The following CSDE1 variants were observed in gnomAD, a reference collection of about 807,000 sequenced individuals.
CSDE1 encodes the protein cold shock domain-containing protein E1.
In CSDE1, 17 loss-of-function variants were observed where a neutral mutation model predicts 89.3. That is an observed-to-expected ratio of 0.19 (90% CI 0.13 to 0.29). The LOEUF is 0.29. Ranked by LOEUF, CSDE1 falls within the 10% of genes least tolerant of loss-of-function variation. The pLI is 1.00. For synonymous variants in CSDE1, 322 were observed against 332.8 expected (o/e 0.97, Z 0.35); for missense variants, 672 against 984.2 (o/e 0.68, Z 4.24).
At position 114,718,136 on chromosome 1, in the gene CSDE1, A is replaced by T. The variant is rs753260110; in HGVS notation, c.*33T>A. 31 of 1,612,544 alleles carry T rather than the reference A, an allele frequency of 1.9e-5. No homozygotes were observed. Among genetic ancestry groups the T allele is most frequent in the Admixed American group, 5.0e-5 (3 of 59,974 alleles). On this transcript the variant is annotated 3_prime_UTR_variant, in exon 20 of 20. Coordinates refer to ENST00000358528, the MANE Select transcript of CSDE1 (RefSeq NM_001007553.3). ...TCACCAGATTCCCCCCAACTTGATC[A>T]TAGTGGATTAATGGTGTGCTTTGTG...
At chr1:114,733,546 A>C (rs1356137890) in intron 9 of CSDE1, among the ~76,000 whole-genome samples, 186 bp downstream of exon 9, 4 of 147,116 alleles carry the variant, frequency 2.7e-5, no homozygotes, top group Non-Finnish European at 4.6e-5. Flanking sequence ...AAAAAAAAAA[A>C]AAACACCATA....
chr1:114,734,400 A>T, intron 7 of CSDE1, 42 bp downstream of exon 7: 1 of 1,545,066 alleles, frequency 6.5e-7, no homozygotes, highest in Non-Finnish European at 8.9e-7. Context: ...CAACATTTCA[A>T]GTGGCCAAAG....
At chr1:114,734,797 C>A (rs572948417) in intron 6 of CSDE1, among the ~76,000 whole-genome samples, 18 of 152,284 alleles carry the variant, frequency 1.2e-4, no homozygotes, top group African/African-American at 4.3e-4. Context: ...TACAAACTTA[C>A]ACATGGGTGC....
rs374890061 is a variant in CSDE1, at chr1:114,727,102, C to T, written c.1357-12G>A. ...CCATCCTCAGCCTCCTAAAGAGATA[C>T]AGTCAAAAACAGAATGAAAACAATC... On this transcript the variant is annotated splice_polypyrimidine_tract_variant and intron_variant, in intron 12 of 19. Transcript: ENST00000358528. 5.6e-5 allele frequency: 87 copies of T among 1,547,354 alleles called. No individual in the cohort carries two copies. Among genetic ancestry groups the T allele is most frequent in the Non-Finnish European group, 7.5e-5 (84 of 1,121,862 alleles).
chr1:114,726,688 G>C (rs1232867674), intron 13 of CSDE1, among the ~76,000 whole-genome samples: 1 of 152,130 alleles, frequency 6.6e-6, no homozygotes, highest in African/African-American at 2.4e-5. Context: ...TCTTTGGTGT[G>C]CTTTTACTTT....
At position 114,737,882 on chromosome 1, in the gene CSDE1, T is replaced by C. The variant is rs1343600576; in HGVS notation, c.309+81A>G. Reference sequence around the variant, plus strand: ...CTCTCTTTCGTGCAAACTGAGGAGATGGGGAGAATCTTCCTTTTCTAATGT... The same window carrying C: ...CTCTCTTTCGTGCAAACTGAGGAGACGGGGAGAATCTTCCTTTTCTAATGT... On this transcript the variant is annotated intron_variant, in intron 4 of 19. Coordinates refer to ENST00000358528, the MANE Select transcript of CSDE1 (RefSeq NM_001007553.3). 6.3e-6 allele frequency: 6 copies of C among 951,206 alleles called. No individual in the cohort carries two copies. In the East Asian group the frequency reaches 9.6e-5, roughly 15 times the overall value. 58.9% of individuals were successfully genotyped at this position (951,206 alleles called of 1,614,324 possible).
chr1:114,739,912 T>A, intron 2 of CSDE1, 22 bp from the exon 3 acceptor site: 1 of 1,569,626 alleles, frequency 6.4e-7, no homozygotes, highest in Non-Finnish European at 8.8e-7. Context: ...AGAAAAAGAA[T>A]ATATACATAT....
At chr1:114,734,733 AAT>A (rs139403594) in intron 6 of CSDE1, among the ~76,000 whole-genome samples, 1 of 152,114 alleles carries the variant, frequency 6.6e-6, no homozygotes, top group Admixed American at 6.6e-5. Context: ...ACGTTTGGCA[AAT>A]ATATATATAG....
At chr1:114,722,101 C>T (rs1294534366) in intron 16 of CSDE1, among the ~76,000 whole-genome samples, 6 of 152,188 alleles carry the variant, frequency 3.9e-5, no homozygotes, top group African/African-American at 1.2e-4. Context: ...AGGCTGGTCT[C>T]GAACTCCTGA....
At chr1:114,754,068 A>T (rs1042214372) in intron 1 of CSDE1, among the ~76,000 whole-genome samples, 5 of 152,236 alleles carry the variant, frequency 3.3e-5, no homozygotes, top group African/African-American at 1.2e-4. Context: ...TAATCACTGC[A>T]ATCTCCACCT....
rs1659257645 is a variant in CSDE1, at chr1:114,717,609, T to C, written c.*560A>G. On this transcript the variant is annotated 3_prime_UTR_variant, in exon 20 of 20. Transcript: ENST00000358528. Reference sequence around the variant, plus strand: ...ATTATAAATGATATGAAAAATAACATTTTAAAATTTGGCCATCAACTTTAA... The same window carrying C: ...ATTATAAATGATATGAAAAATAACACTTTAAAATTTGGCCATCAACTTTAA... 2 of 152,612 alleles carry C rather than the reference T, an allele frequency of 1.3e-5. No homozygotes were observed. Among genetic ancestry groups the C allele is most frequent in the Non-Finnish European group, 2.9e-5 (2 of 68,050 alleles). 9.5% of individuals were successfully genotyped at this position (152,612 alleles called of 1,614,324 possible).
intron 6 of CSDE1, among the ~76,000 whole-genome samples, chr1:114,734,790 A>G (rs557835772): frequency 4.5e-4 from 69 of 152,306 alleles, no homozygotes; most frequent in South Asian, 1.2e-3. Context: ...GCTTTTTTAC[A>G]AACTTACACA....
At chr1:114,732,104 G>A (rs796155053) in intron 10 of CSDE1, among the ~76,000 whole-genome samples, 102 of 152,014 alleles carry the variant, frequency 6.7e-4, no homozygotes, top group African/African-American at 2.3e-3. Flanking sequence ...GTGAGCCACC[G>A]TGCCTATGAT....
chr1:114,731,082 A>G (rs536511997), intron 10 of CSDE1, among the ~76,000 whole-genome samples: 1 of 152,092 alleles, frequency 6.6e-6, no homozygotes, highest in East Asian at 1.9e-4. Context: ...TTACATCTGA[A>G]GAATAAAATA....
Position 114,726,364 on chromosome 1 carries a change from T to G in CSDE1, c.1487A>C (p.Lys496Thr). 6.2e-7 allele frequency: 1 copy of G among 1,610,762 alleles called. No homozygotes were observed. The highest frequency in any genetic ancestry group is 8.5e-7 in the Non-Finnish European group (1 of 1,178,908). The part of the protein sequence containing the change: ...GDKVEFSISD[K>T]QRPGQQVATC... ...TGCAACCTGCTGTCCAGGCCTCTGT[T>G]TGTCACTAATACTAAATTCAACCTG... The change falls in exon 14 of 20, where the codon AAA becomes ACA. Residue 496 changes from lysine to threonine, a missense_variant. Lys to Thr is a moderately conservative substitution (Grantham distance 78). Around this residue, in one of 8 missense-constraint regions of CSDE1, gnomAD observed 108 missense variants for 105.0 expected, o/e 1.03. Coordinates refer to ENST00000358528, the MANE Select transcript of CSDE1 (RefSeq NM_001007553.3).
intron 18 of CSDE1, among the ~76,000 whole-genome samples, chr1:114,719,277 C>T (rs139752577): frequency 1.4e-4 from 21 of 152,168 alleles, no homozygotes; most frequent in African/African-American, 4.8e-4. Flanking sequence ...CCTGGGTAAC[C>T]GAATCAGACT....
At chr1:114,719,814 C>T in intron 17 of CSDE1, 72 bp from the exon 18 acceptor site, 4 of 1,419,018 alleles carry the variant, frequency 2.8e-6, no homozygotes, top group Non-Finnish European at 3.9e-6. Flanking sequence ...AATGCCTGCC[C>T]CTATCTAAAA....
In CSDE1 at chr1:114,742,447, T is replaced by C. The variant is rs562820263; in HGVS notation, c.1-2557A>G. On this transcript the variant is annotated intron_variant, in intron 2 of 19. Transcript: ENST00000358528. ...AAATACAAAATTTAGCCAGGCATGG[T>C]GGCATGGGTCTGTAGTCCCAGCTAC... Among the ~76,000 whole-genome samples, 23 of 152,198 alleles carry C rather than the reference T, an allele frequency of 1.5e-4. 1 individual carries two copies. Among genetic ancestry groups the C allele is most frequent in the South Asian group, 1.2e-3 (6 of 4,822 alleles).
At chr1:114,748,866 C>G (rs1411168972) in intron 2 of CSDE1, among the ~76,000 whole-genome samples, 1 of 152,156 alleles carries the variant, frequency 6.6e-6, no homozygotes, top group African/African-American at 2.4e-5. Flanking sequence ...AAATGTGAAG[C>G]AATAAAGCTA....
Sources: allele counts gnomAD v4.1 joint callset (sites outside exome capture counted in the v4.1 genomes callset), GRCh38; gene constraint gnomAD v4.1.1; regional missense constraint gnomAD v4.1.1; transcripts MANE v1.5; gene names NCBI Gene and HGNC (gene_info 2026-07-23, HGNC 2026-07-21).